Variants in RANBP2 observed in about 807,000 individuals in gnomAD.
RANBP2 encodes the protein E3 SUMO-protein ligase RanBP2.
Under a neutral mutation model 303.6 loss-of-function variants are expected in RANBP2, and 57 were observed. That is an observed-to-expected ratio of 0.19 (90% confidence interval 0.15 to 0.23). The LOEUF (loss-of-function observed/expected upper bound fraction) is 0.23. RANBP2 is among the 10% of genes least tolerant of loss of function. The pLI, the probability that RANBP2 is intolerant of heterozygous loss-of-function variation, is 1.00. For synonymous variants in RANBP2, 1,167 were observed against 1,301.5 expected, an observed-to-expected ratio of 0.90 and a Z score of 2.23; for missense variants, 3,138 against 3,780.8, an observed-to-expected ratio of 0.83 and a Z score of 4.46.
chr2:109,681,986 G>A, the RANBP2 span, among the ~76,000 whole-genome samples: 1 of 152,248 alleles, frequency 6.6e-6, no homozygotes, highest in Non-Finnish European at 1.5e-5. Context: ...GGGTTCCCAA[G>A]CCTGTTACCT....
At chr2:109,458,430 T>A in the RANBP2 span, among the ~76,000 whole-genome samples, 2 of 152,166 alleles carry the variant, frequency 1.3e-5, no homozygotes, top group African/African-American at 4.8e-5. Flanking sequence ...CACTTTAAGG[T>A]CACCTTACAA....
chr2:109,435,407 T>G, the RANBP2 span, among the ~76,000 whole-genome samples: 1 of 152,180 alleles, frequency 6.6e-6, no homozygotes, highest in South Asian at 2.1e-4. Flanking sequence ...GATTGGAGGG[T>G]AGGCGAAGGC....
the RANBP2 span, among the ~76,000 whole-genome samples, chr2:109,033,442 C>A: frequency 7.9e-5 from 12 of 152,096 alleles, no homozygotes; most frequent in African/African-American, 2.9e-4. Context: ...ACAAGTATTG[C>A]CAAGGAAGAA....
At chr2:109,649,213 T>TA in the RANBP2 span, among the ~76,000 whole-genome samples, 1 of 152,126 alleles carries the variant, frequency 6.6e-6, no homozygotes, top group Non-Finnish European at 1.5e-5. Flanking sequence ...TCAAAGCTGG[T>TA]AAAAGCAAAA....
At chr2:109,338,705 G>T in the RANBP2 span, among the ~76,000 whole-genome samples, 169 of 152,270 alleles carry the variant, frequency 1.1e-3, 1 homozygote, top group African/African-American at 3.9e-3. Context: ...CTACAGGCAT[G>T]CGCCACCACG....
chr2:109,533,269 A>C, the RANBP2 span, among the ~76,000 whole-genome samples: 1 of 152,234 alleles, frequency 6.6e-6, no homozygotes. Context: ...CTGCTGCTGG[A>C]TGGAGGAACA....
At chr2:109,047,783 T>C in the RANBP2 span, among the ~76,000 whole-genome samples, 3 of 152,260 alleles carry the variant, frequency 2.0e-5, no homozygotes, top group African/African-American at 2.4e-5. Context: ...CGCTCCAGCC[T>C]GGGCAACAGA....
the RANBP2 span, among the ~76,000 whole-genome samples, chr2:109,082,242 T>G: frequency 1.3e-5 from 2 of 152,350 alleles, no homozygotes; most frequent in Middle Eastern, 6.8e-3. Flanking sequence ...AAGGTTAGGA[T>G]TCCAGGACTC....
chr2:109,719,920 T>C, the RANBP2 span, among the ~76,000 whole-genome samples: 3 of 152,182 alleles, frequency 2.0e-5, no homozygotes, highest in Non-Finnish European at 4.4e-5. Context: ...CCAACATTTA[T>C]GTAGATTGAA....
the RANBP2 span, among the ~76,000 whole-genome samples, chr2:109,539,161 G>A: frequency 6.6e-6 from 1 of 151,992 alleles, no homozygotes; most frequent in Non-Finnish European, 1.5e-5. Flanking sequence ...AGCTGAGTGT[G>A]GTGGTGCCCA....
chr2:109,454,106 A>G, the RANBP2 span, among the ~76,000 whole-genome samples: 1 of 152,240 alleles, frequency 6.6e-6, no homozygotes, highest in South Asian at 2.1e-4. Flanking sequence ...CTTACATTAC[A>G]TGGTGAGATA....
chr2:108,879,958 A>G, the RANBP2 span, among the ~76,000 whole-genome samples: 2,660 of 152,296 alleles, frequency 0.017, 89 homozygotes, highest in African/African-American at 0.062. Flanking sequence ...GACTATATCT[A>G]TTCTCCAGGT....
At chr2:109,710,533 A>C in the RANBP2 span, among the ~76,000 whole-genome samples, 1 of 152,218 alleles carries the variant, frequency 6.6e-6, no homozygotes, top group East Asian at 1.9e-4. Context: ...GTGTTGGCAC[A>C]AGGTGGGGCT....
At chr2:108,790,538 C>T (rs1177883965), downstream of RANBP2, among the ~76,000 whole-genome samples, 3 of 151,966 alleles carry the variant, frequency 2.0e-5, no homozygotes, top group African/African-American at 7.3e-5. Context: ...TAAGACTTAG[C>T]ATAGATAACA....
At chr2:109,124,948 A>G in the RANBP2 span, among the ~76,000 whole-genome samples, 1 of 152,180 alleles carries the variant, frequency 6.6e-6, no homozygotes, top group Non-Finnish European at 1.5e-5. Context: ...ATGTGCATCA[A>G]TTTGGGTTCC....
chr2:108,920,923 G>T, the RANBP2 span, among the ~76,000 whole-genome samples: 1 of 152,132 alleles, frequency 6.6e-6, no homozygotes, highest in South Asian at 2.1e-4. Context: ...GCTCTGGGAG[G>T]TGAGATAACT....
At chr2:108,833,395 A>G in the RANBP2 span, among the ~76,000 whole-genome samples, 1 of 152,226 alleles carries the variant, frequency 6.6e-6, no homozygotes, top group Non-Finnish European at 1.5e-5. Context: ...TCAGAAACCT[A>G]AAACTGCTCT....
the RANBP2 span, among the ~76,000 whole-genome samples, chr2:108,890,592 A>G: frequency 3.3e-5 from 5 of 152,194 alleles, no homozygotes; most frequent in South Asian, 2.1e-4. Context: ...TGCTCTTTTT[A>G]GGATTCACCC....
At position 108,772,938 on chromosome 2, in the gene RANBP2, G is replaced by A. The variant is rs1395155316; in HGVS notation, c.8184G>A (p.Thr2728=). Residue 2728 remains threonine, a synonymous_variant, in exon 23 of 29, where the codon ACG becomes ACA. Transcript: ENST00000283195. ...TTGAAGAGAAGGCAAAAGCAGATAC[G>A]TTAAAACTTCCACCTACATTTTTTT... is the stretch of plus-strand genomic sequence containing the variant. ...PTVEEKAKAD[T]LKLPPTFFCG... 8 of 1,613,918 alleles carry A rather than the reference G, an allele frequency of 5.0e-6. No individual in the cohort carries two copies. Among genetic ancestry groups the A allele is most frequent in the South Asian group, 3.3e-5 (3 of 91,082 alleles).
Sources: gnomAD v4.1 joint callset for allele counts (sites outside exome capture counted in the v4.1 genomes callset) on GRCh38, gnomAD v4.1.1 for gene constraint, MANE v1.5 for transcripts, NCBI Gene and HGNC (gene_info 2026-07-23, HGNC 2026-07-21) for gene names.